OFD1: variants seen among roughly 807,000 people sequenced by gnomAD.
OFD1 encodes OFD1 centriole and centriolar satellite protein.
OFD1 carries 12 observed loss-of-function variants against 81.4 expected under a neutral mutation model. That is an observed-to-expected ratio of 0.15 (90% CI 0.09 to 0.24). The LOEUF is 0.24. Ranked by LOEUF, OFD1 falls within the 10% of genes least tolerant of loss-of-function variation. The pLI is 1.00. For missense variants in OFD1, 685 were observed against 733.9 expected, an observed-to-expected ratio of 0.93 and a Z score of 0.77; for synonymous variants, 256 against 263.7, an observed-to-expected ratio of 0.97 and a Z score of 0.28.
chrX:13,716,376 C>G, the OFD1 span: 2 of 663,752 alleles, frequency 3.0e-6, no homozygotes, highest in Admixed American at 7.4e-5. Context: ...AAATGTTTTT[C>G]CCCCCTAAAA....
rs755778299 is a variant in OFD1 at position 13,735,908 on chromosome X, A to G, written c.111+562A>G. Among the ~76,000 whole-genome samples the G allele has an allele frequency of 3.6e-5, 4 of 112,288 alleles. No homozygotes were observed. In the South Asian group the frequency reaches 1.5e-3, roughly 41 times the overall value. ...TCATTGAAATATGCATTTCAAAAGC[A>G]TATTTTACGTTTAAAATATGTAGCT... On this transcript the variant is annotated intron_variant, in intron 2 of 22. Transcript: ENST00000340096.
intron 12 of OFD1, among the ~76,000 whole-genome samples, chrX:13,756,241 AC>A (rs1384570623): frequency 3.6e-5 from 4 of 111,662 alleles, no homozygotes. Flanking sequence ...GGCGTGAGCC[AC>A]CATGCTCAGC....
intron 10 of OFD1, 106 bp downstream of exon 10, chrX:13,751,474 G>GA (rs3214141): frequency 0.059 from 23,662 of 402,525 alleles, 5 homozygotes; most frequent in Non-Finnish European, 0.07. Context: ...TTTAGTGTTT[G>GA]AAAAAAAAAA....
rs16979176 is a variant in OFD1, at chrX:13,747,317, A to G, written c.828+364A>G. On this transcript the variant is annotated intron_variant, in intron 8 of 22. Transcript: ENST00000340096. ...GGAAGAACAGCCCTTTAAAGCAGAG[A>G]GGACTGATCACCTGTATTGAGGGCT... Among the ~76,000 whole-genome samples the G allele has an allele frequency of 0.012, 1,300 of 111,677 alleles. 14 individuals carry two copies. Among genetic ancestry groups the G allele is most frequent in the African/African-American group, 0.04 (1,221 of 30,709 alleles).
In OFD1 at chrX:13,767,292, G is replaced by A. The variant is rs766626739; in HGVS notation, c.2757+8G>A. ...AAACTGTATCAGGAAAGGGTAATAA[G>A]TATGACTTGATTCTCTGAACTGGTT... On this transcript the variant is annotated splice_region_variant and intron_variant, in intron 20 of 22. Coordinates refer to ENST00000340096, the MANE Select transcript of OFD1 (RefSeq NM_003611.3). 6.4e-5 allele frequency: 77 copies of A among 1,207,877 alleles called. No homozygotes were observed. Among genetic ancestry groups the A allele is most frequent in the Non-Finnish European group, 8.5e-5 (76 of 893,264 alleles).
At chrX:13,763,302 C>T (rs184658552) in intron 18 of OFD1, among the ~76,000 whole-genome samples, 2 of 112,491 alleles carry the variant, frequency 1.8e-5, no homozygotes, top group Admixed American at 9.4e-5. Context: ...TTTATATTTG[C>T]ATATAAGCTA....
chrX:13,736,862 T>G (rs1267796431), intron 3 of OFD1, among the ~76,000 whole-genome samples, 184 bp downstream of exon 3: 2 of 112,556 alleles, frequency 1.8e-5, no homozygotes, highest in Non-Finnish European at 3.7e-5. Context: ...AATTTGAAAT[T>G]AATTTCTTGG....
rs1439906095 is a variant in OFD1 at position 13,736,689 on chromosome X, TC to T, written c.312+13del. ...TTGGCAAAAGAAAAGGTAAAGTCTT[TC>T]CTTTTCTGTTTCTGAAGTTTTTATT... is the stretch of plus-strand genomic sequence containing the variant. On this transcript the variant is annotated intron_variant, in intron 3 of 22. Transcript: ENST00000340096. 2 of 1,173,295 alleles carry T rather than the reference TC, an allele frequency of 1.7e-6. No homozygotes were observed. Among genetic ancestry groups the T allele is most frequent in the African/African-American group, 3.5e-5 (2 of 56,489 alleles).
At chrX:13,718,983 C>G in the OFD1 span, among the ~76,000 whole-genome samples, 1 of 110,240 alleles carries the variant, frequency 9.1e-6, no homozygotes, top group Non-Finnish European at 1.9e-5. Flanking sequence ...ATGGCGAAAC[C>G]CTGTCTCTAC....
At position 13,736,503 on chromosome X, in the gene OFD1, A is replaced by G. The variant is rs1346188519; in HGVS notation, c.137A>G (p.His46Arg). The G allele has an allele frequency of 1.7e-6, 2 of 1,211,044 alleles. No individual in the cohort carries two copies. The highest frequency in any genetic ancestry group is 3.5e-5 in the South Asian group (2 of 56,956). The change falls in exon 3 of 23, where the codon CAT becomes CGT. Residue 46 changes from histidine to arginine, a missense_variant. By Grantham distance (29) the His-to-Arg change is conservative. Transcript: ENST00000340096. ...ACACAACTTCGAAACCAGCTAATTC[A>G]TGAGTTGATGCACCCTGTATTGAGT... ...LKTQLRNQLI[H>R]ELMHPVLSGE...
At chrX:13,728,293 AT>A in the OFD1 span, among the ~76,000 whole-genome samples, 1 of 111,881 alleles carries the variant, frequency 8.9e-6, no homozygotes, top group Non-Finnish European at 1.9e-5. Context: ...CAGAGACACA[AT>A]AAAAAAAGAG....
upstream of OFD1, chrX:13,734,710 G>C (rs1419397731): frequency 5.1e-6 from 5 of 984,028 alleles, no homozygotes; most frequent in South Asian, 3.3e-5. Context: ...TCTTCAGCTC[G>C]GGAAGGCTAT....
rs1454990618 is a variant in OFD1 at position 13,760,692 on chromosome X, A to G, written c.2232A>G (p.Arg744=). The G allele has an allele frequency of 1.7e-6, 2 of 1,211,292 alleles. No individual in the cohort carries two copies. Among genetic ancestry groups the G allele is most frequent in the Non-Finnish European group, 2.2e-6 (2 of 895,388 alleles). ...CCACACCCCTTCCAAAAGCAAAAAG[A>G]AGCCTCGAAAGTGAAATGTATCTGG... ...LSSTPLPKAK[R]SLESEMYLEG... is the part of the protein sequence containing the mutation. Residue 744 remains arginine (R), a synonymous_variant, in exon 16 of 23, where the codon AGA becomes AGG. Transcript: ENST00000340096.
Position 13,767,232 on chromosome X carries a change from A to G in OFD1, c.2705A>G (p.Gln902Arg), listed in dbSNP as rs759355611. Reference sequence around the variant, plus strand: ...GAAGAAAGAAGGCAGAGTAACCTACAAGAAGTTTTAGAAAGGGAACGAAGA... The same window carrying G: ...GAAGAAAGAAGGCAGAGTAACCTACGAGAAGTTTTAGAAAGGGAACGAAGA... The part of the protein sequence containing the change: ...QREERRQSNL[Q>R]EVLERERREL... Residue 902 changes from glutamine (Q) to arginine (R), a missense_variant, in exon 20 of 23, where the codon CAA (glutamine) becomes CGA (arginine). This residue lies in a region of OFD1 where 259 missense variants were observed against 254.4 expected (regional missense o/e 1.02). Transcript: ENST00000340096. The G allele has an allele frequency of 1.7e-6, 2 of 1,211,291 alleles. No homozygotes were observed. The highest frequency in any genetic ancestry group is 2.2e-6 in the Non-Finnish European group (2 of 894,732).
At chrX:13,739,375 A>G in intron 5 of OFD1, 1 of 223,788 alleles carries the variant, frequency 4.5e-6, no homozygotes, top group South Asian at 9.0e-5. Flanking sequence ...TATAATTGGT[A>G]GGGTATTAGA....
At chrX:13,715,309 C>T in the OFD1 span, among the ~76,000 whole-genome samples, 2 of 112,467 alleles carry the variant, frequency 1.8e-5, no homozygotes, top group Non-Finnish European at 3.8e-5. Flanking sequence ...CTCGTCTCTA[C>T]TGAAAATACA....
rs1376239977 is a variant in OFD1, at chrX:13,760,657, C to T, written c.2197C>T (p.Arg733Cys). The T allele has an allele frequency of 2.5e-6, 3 of 1,209,322 alleles. No homozygotes were observed. Among genetic ancestry groups the T allele is most frequent in the South Asian group, 1.8e-5 (1 of 56,804 alleles). The change falls in exon 16 of 23, where the codon CGC becomes TGC. Residue 733 changes from arginine to cysteine, a missense_variant. By Grantham distance (180) the Arg-to-Cys change is radical. This residue lies in a region of OFD1 where 259 missense variants were observed against 254.4 expected (regional missense o/e 1.02). Transcript: ENST00000340096. Reference protein sequence around the residue: ...SRLRGGTSSRRLSSTPLPKAK... With the variant: ...SRLRGGTSSRCLSSTPLPKAK... ...GCTCCGCGGGGGCACTTCCTCCAGA[C>T]GCCTCTCTTCCACACCCCTTCCAAA...
At chrX:13,748,014 G>A (rs57736819) in intron 8 of OFD1, among the ~76,000 whole-genome samples, 2,454 of 111,732 alleles carry the variant, frequency 0.022, 59 homozygotes, top group African/African-American at 0.065. Context: ...AACTACTGCT[G>A]TCAGATGTTG....
downstream of OFD1, chrX:13,772,445 A>G (rs1160881941): frequency 8.7e-6 from 1 of 114,411 alleles, no homozygotes; most frequent in Non-Finnish European, 1.8e-5. Context: ...TTTATTTCCT[A>G]TGTAGATAAC....
Sources: allele counts gnomAD v4.1 joint callset (sites outside exome capture counted in the v4.1 genomes callset), GRCh38; gene constraint gnomAD v4.1.1; regional missense constraint gnomAD v4.1.1; transcripts MANE v1.5; gene names NCBI Gene and HGNC (gene_info 2026-07-23, HGNC 2026-07-21).